Variants in CENPW observed in about 807,000 individuals in gnomAD.
CENPW encodes the protein cancer-up-regulated gene 2 protein.
In CENPW, 3 loss-of-function variants were observed where a neutral mutation model predicts 11.1. The observed-to-expected ratio is 0.27, with a 90% CI of 0.12 to 0.70. CENPW has a LOEUF of 0.70. Among genes scored for constraint, CENPW ranks in the 30% least tolerant of loss-of-function variants. The pLI is 0.77. For synonymous variants in CENPW, 38 were observed against 42.0 expected (o/e 0.91, Z 0.37); for missense variants, 100 against 105.6 (o/e 0.95, Z 0.23).
intron 2 of CENPW, 116 bp downstream of exon 2, chr6:126,346,434 G>T: frequency 2.0e-6 from 1 of 504,238 alleles, no homozygotes; most frequent in African/African-American, 1.9e-5. Flanking sequence ...GTCGATATTT[G>T]GCCTTTTATG....
the CENPW span, among the ~76,000 whole-genome samples, chr6:126,432,153 G>A: frequency 6.6e-6 from 1 of 151,176 alleles, no homozygotes; most frequent in African/African-American, 2.4e-5. Context: ...TCAATTCAAA[G>A]GTTTTCTTTT....
chr6:126,455,704 T>C, the CENPW span, among the ~76,000 whole-genome samples: 3 of 151,184 alleles, frequency 2.0e-5, no homozygotes, highest in African/African-American at 7.3e-5. Context: ...AACATAGTAA[T>C]GGAAGTCAAA....
chr6:126,394,804 T>G, the CENPW span, among the ~76,000 whole-genome samples: 1 of 152,030 alleles, frequency 6.6e-6, no homozygotes, highest in Non-Finnish European at 1.5e-5. Context: ...CTTTTTTTCT[T>G]TCTTTTTTTA....
At chr6:126,436,059 G>T in the CENPW span, among the ~76,000 whole-genome samples, 1 of 151,622 alleles carries the variant, frequency 6.6e-6, no homozygotes, top group African/African-American at 2.4e-5. Flanking sequence ...AGCGTTCCGG[G>T]GTCAGTGTAG....
chr6:126,464,686 T>C, the CENPW span, among the ~76,000 whole-genome samples: 2 of 152,170 alleles, frequency 1.3e-5, no homozygotes, highest in African/African-American at 2.4e-5. Flanking sequence ...AAGGCTGCAC[T>C]GTGTGCTTCC....
chr6:126,427,247 T>G, the CENPW span, among the ~76,000 whole-genome samples: 1 of 152,172 alleles, frequency 6.6e-6, no homozygotes, highest in Non-Finnish European at 1.5e-5. Flanking sequence ...TTGAGTGTAT[T>G]TTATTTTATT....
the CENPW span, among the ~76,000 whole-genome samples, chr6:126,462,173 G>C: frequency 6.6e-6 from 1 of 151,856 alleles, no homozygotes; most frequent in African/African-American, 2.4e-5. Context: ...TTTATCATAT[G>C]TATTTAAGGT....
At chr6:126,421,955 C>T in the CENPW span, among the ~76,000 whole-genome samples, 1 of 152,068 alleles carries the variant, frequency 6.6e-6, no homozygotes, top group African/African-American at 2.4e-5. Context: ...TTCTGCCTCA[C>T]ATCCAAAGAG....
At chr6:126,414,548 A>G in the CENPW span, among the ~76,000 whole-genome samples, 1 of 152,266 alleles carries the variant, frequency 6.6e-6, no homozygotes. Context: ...CTCCTGAACA[A>G]CCAATGAGTT....
chr6:126,459,577 CA>C, the CENPW span, among the ~76,000 whole-genome samples: 2 of 151,384 alleles, frequency 1.3e-5, no homozygotes, highest in Non-Finnish European at 3.0e-5. Context: ...AAAATATTAT[CA>C]AAAGTGAAAT....
the CENPW span, among the ~76,000 whole-genome samples, chr6:126,368,580 T>C: frequency 8.6e-5 from 13 of 151,956 alleles, no homozygotes; most frequent in Non-Finnish European, 1.6e-4. Flanking sequence ...ATGAATAAAT[T>C]CTTTAGTGGT....
At chr6:126,411,962 C>T in the CENPW span, among the ~76,000 whole-genome samples, 1 of 118,330 alleles carries the variant, frequency 8.5e-6, no homozygotes, top group African/African-American at 3.2e-5. Context: ...CCCTCCCTCT[C>T]TCTCTCCTTT....
the CENPW span, among the ~76,000 whole-genome samples, chr6:126,481,437 C>G: frequency 6.6e-6 from 1 of 151,998 alleles, no homozygotes; most frequent in African/African-American, 2.4e-5. Flanking sequence ...TGTCCAAGAT[C>G]AAGGGGCTGC....
At chr6:126,420,385 T>G in the CENPW span, among the ~76,000 whole-genome samples, 16 of 152,166 alleles carry the variant, frequency 1.1e-4, no homozygotes, top group Non-Finnish European at 2.1e-4. Context: ...TTTAGACACA[T>G]TTTAAAAAAA....
chr6:126,417,762 C>A, the CENPW span, among the ~76,000 whole-genome samples: 1 of 152,214 alleles, frequency 6.6e-6, no homozygotes, highest in Admixed American at 6.5e-5. Flanking sequence ...ATGTCTTTAT[C>A]AGCAGTGTGA....
At chr6:126,371,121 C>T in the CENPW span, among the ~76,000 whole-genome samples, 1 of 152,154 alleles carries the variant, frequency 6.6e-6, no homozygotes, top group Admixed American at 6.5e-5. Flanking sequence ...ACTTCCAGTA[C>T]TATATTGAAA....
At chr6:126,405,360 C>A in the CENPW span, among the ~76,000 whole-genome samples, 1 of 151,856 alleles carries the variant, frequency 6.6e-6, no homozygotes, top group Non-Finnish European at 1.5e-5. Context: ...TCTTATTGGC[C>A]TATGTTTCTG....
chr6:126,423,950 C>T, the CENPW span, among the ~76,000 whole-genome samples: 3 of 151,844 alleles, frequency 2.0e-5, no homozygotes, highest in Admixed American at 6.6e-5. Flanking sequence ...ACTAACTCAT[C>T]ATCTAGCATT....
chr6:126,403,490 G>A, the CENPW span, among the ~76,000 whole-genome samples: 6 of 152,088 alleles, frequency 3.9e-5, no homozygotes, highest in African/African-American at 1.4e-4. Flanking sequence ...GATCAAAGCA[G>A]CCACAACATT....
Sources: allele counts gnomAD v4.1 joint callset (sites outside exome capture counted in the v4.1 genomes callset), GRCh38; gene constraint gnomAD v4.1.1; transcripts MANE v1.5; gene names NCBI Gene and HGNC (gene_info 2026-07-23, HGNC 2026-07-21).